ARHGAP8: variants seen among roughly 807,000 people sequenced by gnomAD.
The protein encoded by ARHGAP8 is Rho GTPase activating protein 8.
ARHGAP8 carries 62 observed loss-of-function variants against 46.1 expected under a neutral mutation model. That is an observed-to-expected ratio of 1.34 (90% confidence interval 1.10 to 1.66). ARHGAP8 has a LOEUF of 1.66. Among genes scored for constraint, ARHGAP8 ranks in the 40% most tolerant of loss-of-function variants. ARHGAP8 has a pLI of 0.00. For missense variants in ARHGAP8, 923 were observed against 568.4 expected, an observed-to-expected ratio of 1.62 and a Z score of -6.34; for synonymous variants, 375 against 243.1, an observed-to-expected ratio of 1.54 and a Z score of -5.05.
chr22:44,827,648 GTGT>G (rs964647185), intron 7 of ARHGAP8, among the ~76,000 whole-genome samples: 5 of 152,110 alleles, frequency 3.3e-5, no homozygotes, highest in African/African-American at 1.2e-4. Context: ...TGGCCCATTT[GTGT>G]TGTTTTAAGC....
chr22:44,776,464 A>G (rs1342147106), intron 1 of ARHGAP8, among the ~76,000 whole-genome samples: 7 of 133,182 alleles, frequency 5.3e-5, no homozygotes, highest in Non-Finnish European at 1.0e-4. Flanking sequence ...AAAAAAAAGA[A>G]AAAAAAAAGT....
At chr22:44,795,052 A>C (rs990117960) in intron 2 of ARHGAP8, among the ~76,000 whole-genome samples, 18 of 150,746 alleles carry the variant, frequency 1.2e-4, no homozygotes, top group Admixed American at 9.2e-4. Context: ...AAAAAAAAAA[A>C]AACAAAAAAC....
intron 7 of ARHGAP8, among the ~76,000 whole-genome samples, chr22:44,840,601 A>G (rs1186726863): frequency 3.9e-5 from 6 of 152,194 alleles, no homozygotes; most frequent in Non-Finnish European, 8.8e-5. Context: ...TCTAAGATCA[A>G]GGTGCCACCA....
rs1204797692 is a variant in ARHGAP8, at chr22:44,860,010, C to A, written c.981+176C>A. Among the ~76,000 whole-genome samples the A allele has an allele frequency of 2.7e-5, 3 of 110,472 alleles. No homozygotes were observed. In the East Asian group the frequency reaches 9.0e-4, roughly 33 times the overall value. The allele number at this position is 110,472 out of a possible 152,430, so 72.5% of individuals were successfully genotyped here. On this transcript the variant is annotated intron_variant, in intron 11 of 11. Transcript: ENST00000356099. The stretch of plus-strand genomic sequence containing the variant: ...TCCAAGGCCTGGTCAGGCACCCATG[C>A]TGCTGCGGACCTCCTGCCTGTCAGA...
intron 7 of ARHGAP8, among the ~76,000 whole-genome samples, chr22:44,836,421 C>T (rs1931290819): frequency 6.6e-6 from 1 of 151,876 alleles, no homozygotes; most frequent in East Asian, 1.9e-4. Flanking sequence ...TGAACCCTGG[C>T]TCTAGTCAAC....
chr22:44,804,434 T>A (rs1928793456), intron 3 of ARHGAP8, among the ~76,000 whole-genome samples: 2 of 152,122 alleles, frequency 1.3e-5, no homozygotes, highest in South Asian at 2.1e-4. Context: ...TGAAGGGAAG[T>A]TAGGTTCTGA....
At chr22:44,852,949 C>G (rs6006892) in intron 10 of ARHGAP8, among the ~76,000 whole-genome samples, 1 of 151,874 alleles carries the variant, frequency 6.6e-6, no homozygotes, top group African/African-American at 2.4e-5. Flanking sequence ...ACGACAGGCC[C>G]GTGTCACCAC....
intron 1 of ARHGAP8, among the ~76,000 whole-genome samples, chr22:44,764,729 G>A (rs1372537261): frequency 6.6e-6 from 1 of 152,256 alleles, no homozygotes; most frequent in Non-Finnish European, 1.5e-5. Context: ...CAGTTCACGG[G>A]AAAGAGAAAC....
intron 7 of ARHGAP8, 151 bp from the exon 8 acceptor site, chr22:44,845,118 A>G (rs2069921244): frequency 1.2e-6 from 1 of 851,200 alleles, no homozygotes; most frequent in Non-Finnish European, 1.8e-6. Context: ...CAGACTTTCT[A>G]CTTCCTGAGG....
chr22:44,862,518 C>A lies in ARHGAP8; in HGVS notation c.1225C>A (p.Pro409Thr). The A allele has an allele frequency of 1.2e-6, 2 of 1,612,154 alleles. No individual in the cohort carries two copies. The highest frequency in any genetic ancestry group is 1.7e-6 in the Non-Finnish European group (2 of 1,178,550). ...SRAAPLQEAV[P>T]RTQATGLTKP... ...GGCAGCCCCTTTGCAGGAGGCTGTG[C>A]CACGGACACAAGCCACGGGCCTCAC... Residue 409 changes from proline (P) to threonine (T), a missense_variant, in exon 12 of 12, where the codon CCA becomes ACA. By Grantham distance (38) the Pro-to-Thr change is conservative. Coordinates refer to ENST00000356099, the MANE Select transcript of ARHGAP8 (RefSeq NM_181335.3).
intron 1 of ARHGAP8, among the ~76,000 whole-genome samples, chr22:44,768,227 C>A (rs1272366069): frequency 6.6e-6 from 1 of 151,772 alleles, no homozygotes; most frequent in Admixed American, 6.6e-5. Context: ...GAACTCCTGA[C>A]CTCGTGATCC....
At chr22:44,838,583 A>T in intron 7 of ARHGAP8, among the ~76,000 whole-genome samples, 1 of 152,270 alleles carries the variant, frequency 6.6e-6, no homozygotes, top group East Asian at 1.9e-4. Flanking sequence ...CTGAGAGTCT[A>T]CTTTTAAAGG....
intron 10 of ARHGAP8, among the ~76,000 whole-genome samples, chr22:44,857,572 C>T (rs114859109): frequency 0.013 from 2,009 of 152,228 alleles, 50 homozygotes; most frequent in African/African-American, 0.045. Context: ...AGTGGAGAGG[C>T]GTGGGAAGTG....
chr22:44,826,245 C>A (rs1439676268), intron 7 of ARHGAP8, among the ~76,000 whole-genome samples: 3 of 152,130 alleles, frequency 2.0e-5, no homozygotes, highest in Non-Finnish European at 2.9e-5. Flanking sequence ...CACCATGCAC[C>A]TTGCTAACAC....
intron 10 of ARHGAP8, among the ~76,000 whole-genome samples, chr22:44,856,944 C>A (rs909603165): frequency 1.5e-5 from 2 of 133,522 alleles, no homozygotes; most frequent in Non-Finnish European, 3.2e-5. Flanking sequence ...AGTAAGAATT[C>A]TTTTTTTTTT....
At chr22:44,851,514 T>A (rs1410696177) in intron 10 of ARHGAP8, among the ~76,000 whole-genome samples, 1 of 152,082 alleles carries the variant, frequency 6.6e-6, no homozygotes, top group Non-Finnish European at 1.5e-5. Context: ...CATGGGAACC[T>A]TTATGAAAAT....
intron 2 of ARHGAP8, among the ~76,000 whole-genome samples, chr22:44,795,803 C>T (rs775932525): frequency 6.6e-6 from 1 of 152,138 alleles, no homozygotes; most frequent in Non-Finnish European, 1.5e-5. Flanking sequence ...GGACACCTCC[C>T]GGGACCCACC....
rs761844578 is a variant in ARHGAP8, at chr22:44,862,674, G to A, written c.*79G>A. On this transcript the variant is annotated 3_prime_UTR_variant, in exon 12 of 12. Coordinates refer to ENST00000356099, the MANE Select transcript of ARHGAP8 (RefSeq NM_181335.3). ...TGTATGTTTTGTAAACTTGGCATCT[G>A]TAAAAATAACCAGCCATTAGATGAA... 2.1e-5 allele frequency: 30 copies of A among 1,463,222 alleles called. 1 individual carries two copies. In the Middle Eastern group the frequency reaches 2.0e-3, roughly 97 times the overall value. 90.6% of individuals were successfully genotyped at this position (1,463,222 alleles called of 1,614,324 possible).
chr22:44,860,245 A>C (rs1289491254), intron 11 of ARHGAP8, among the ~76,000 whole-genome samples: 2 of 151,584 alleles, frequency 1.3e-5, no homozygotes, highest in African/African-American at 4.9e-5. Flanking sequence ...ACGTACATTA[A>C]GTTCCTGTGA....
Sources: gnomAD v4.1 joint callset for allele counts (sites outside exome capture counted in the v4.1 genomes callset) on GRCh38, gnomAD v4.1.1 for gene constraint, MANE v1.5 for transcripts, NCBI Gene and HGNC (gene_info 2026-07-23, HGNC 2026-07-21) for gene names.